The following RIPOR2 variants were observed in gnomAD, a reference collection of about 807,000 sequenced individuals.
RIPOR2 encodes the protein rho family-interacting cell polarization regulator 2.
In RIPOR2, 39 loss-of-function variants were observed where a neutral mutation model predicts 114.5. That is an observed-to-expected ratio of 0.34 (90% CI 0.26 to 0.44). RIPOR2 has a LOEUF of 0.44. RIPOR2 is among the 20% of genes least tolerant of loss of function. RIPOR2 has a pLI of 1.00. For synonymous variants in RIPOR2, 445 were observed against 484.4 expected, an observed-to-expected ratio of 0.92 and a Z score of 1.07; for missense variants, 1,007 against 1,255.1, an observed-to-expected ratio of 0.80 and a Z score of 2.99.
At chr6:24,972,095 C>T (rs570978861) in intron 1 of RIPOR2, among the ~76,000 whole-genome samples, 7 of 152,228 alleles carry the variant, frequency 4.6e-5, no homozygotes, top group East Asian at 1.9e-4. Flanking sequence ...AGAACCAAAA[C>T]GTTTCTATCC....
At chr6:24,914,539 C>T (rs1296600347) in intron 1 of RIPOR2, among the ~76,000 whole-genome samples, 1 of 152,166 alleles carries the variant, frequency 6.6e-6, no homozygotes, top group Non-Finnish European at 1.5e-5. Context: ...AAGGAGGCAG[C>T]ACTATGGGTG....
chr6:24,845,558 T>G (rs553617351), intron 12 of RIPOR2, among the ~76,000 whole-genome samples: 2 of 152,254 alleles, frequency 1.3e-5, no homozygotes, highest in South Asian at 4.1e-4. Flanking sequence ...TCCAAAGTCC[T>G]TCCCAGCCAT....
rs1341028613 is a variant in RIPOR2 at position 25,034,784 on chromosome 6, G to A, written c.76+7067C>T. Among the ~76,000 whole-genome samples the A allele has an allele frequency of 3.9e-5, 6 of 152,080 alleles. No individual in the cohort carries two copies. The East Asian group carries it at 1.2e-3, about 29-fold the overall frequency. ...CCCTCTCTTTTGTCCATCCTCGGCTGGAGACAGCTAAAATATCTGTCCAGA... is the reference window on the plus strand; with the variant it reads ...CCCTCTCTTTTGTCCATCCTCGGCTAGAGACAGCTAAAATATCTGTCCAGA... On this transcript the variant is annotated intron_variant, in intron 1 of 13. Coordinates refer to the RIPOR2 transcript ENST00000510784.
At chr6:24,825,125 G>GA in intron 19 of RIPOR2, 101 bp downstream of exon 19, 1 of 898,372 alleles carries the variant, frequency 1.1e-6, no homozygotes, top group Non-Finnish European at 1.7e-6. Flanking sequence ...TTAATACGCA[G>GA]AAAAATTATT....
chr6:25,005,183 T>G (rs555929828), intron 1 of RIPOR2, among the ~76,000 whole-genome samples: 84 of 152,306 alleles, frequency 5.5e-4, no homozygotes, highest in African/African-American at 2.0e-3. Context: ...GAGTGGCTAC[T>G]CCTGCAGTAA....
chr6:24,963,099 G>T (rs138781657), intron 1 of RIPOR2, among the ~76,000 whole-genome samples: 2 of 152,102 alleles, frequency 1.3e-5, no homozygotes, highest in Non-Finnish European at 2.9e-5. Flanking sequence ...ATACAATGGC[G>T]CAATCTTGGC....
intron 14 of RIPOR2, among the ~76,000 whole-genome samples, chr6:24,838,209 T>C (rs928379030): frequency 2.0e-5 from 3 of 152,142 alleles, no homozygotes; most frequent in African/African-American, 4.8e-5. Flanking sequence ...GTGGCAGTCA[T>C]TGGTCATCCC....
chr6:24,830,744 C>T, intron 16 of RIPOR2, 74 bp from the exon 17 acceptor site: 1 of 1,440,182 alleles, frequency 6.9e-7, no homozygotes, highest in Non-Finnish European at 9.3e-7. Flanking sequence ...GAGACAGAGT[C>T]TTGCTTTGTT....
intron 1 of RIPOR2, among the ~76,000 whole-genome samples, chr6:24,891,791 A>G (rs1157368084): frequency 6.6e-6 from 1 of 152,230 alleles, no homozygotes; most frequent in Admixed American, 6.5e-5. Flanking sequence ...GTTAGCTTCC[A>G]CAATCCTCTT....
chr6:25,019,263 T>C (rs942888500), intron 1 of RIPOR2, among the ~76,000 whole-genome samples: 1 of 152,174 alleles, frequency 6.6e-6, no homozygotes. Flanking sequence ...ATATGTGGCA[T>C]AGTTGTTAAG....
Position 24,843,220 on chromosome 6 carries a change from C to A in RIPOR2, c.1499G>T (p.Arg500Leu). Residue 500 changes from arginine (R) to leucine (L), a missense_variant, in exon 13 of 22, where the codon CGA becomes CTA. Arg to Leu is a moderately radical substitution (Grantham distance 102). Coordinates refer to ENST00000643898, the MANE Select transcript of RIPOR2 (RefSeq NM_001286445.3). ...CTCAGCCCCAGCACCTGAGGACTGT[C>A]GGCGGCAAGCCTCAGATGGGGCCGA... is the stretch of plus-strand genomic sequence containing the variant. ...PASAPSEACRRQSSGAGAEHL... is the reference protein window; with the variant it reads ...PASAPSEACRLQSSGAGAEHL... 1 of 1,614,018 alleles carries A rather than the reference C, an allele frequency of 6.2e-7. No homozygotes were observed. The highest frequency in any genetic ancestry group is 8.5e-7 in the Non-Finnish European group (1 of 1,179,896).
intron 1 of RIPOR2, among the ~76,000 whole-genome samples, chr6:24,953,982 G>A (rs1286309829): frequency 6.6e-6 from 1 of 152,198 alleles, no homozygotes; most frequent in African/African-American, 2.4e-5. Context: ...TGAACCTAGT[G>A]ATGGGAAAGA....
At chr6:25,024,338 C>T (rs1285365234) in intron 1 of RIPOR2, 1 of 1,453,988 alleles carries the variant, frequency 6.9e-7, no homozygotes, top group Non-Finnish European at 9.6e-7. Flanking sequence ...GTGCCTTCTT[C>T]CTGGCTTCCT....
Position 24,873,882 on chromosome 6 carries a change from G to T in RIPOR2, c.189-83C>A. 8 of 1,200,276 alleles carry T rather than the reference G, an allele frequency of 6.7e-6. No individual in the cohort carries two copies. The East Asian group carries it at 1.4e-4, about 21-fold the overall frequency. 74.4% of individuals were successfully genotyped at this position (1,200,276 alleles called of 1,614,324 possible). On this transcript the variant is annotated intron_variant, in intron 2 of 21. Transcript: ENST00000643898. ...GAAAAATGTCTTCTATTATTTACTT[G>T]TTTGTTTTAGAGACAAAGTCTTCTT...
rs554921888 is a variant in RIPOR2 at position 24,963,041 on chromosome 6, G to A, written c.76+78810C>T. On this transcript the variant is annotated intron_variant, in intron 1 of 13. Transcript: ENST00000510784. ...CAGCAGAGAATGCATGTGTTTTTTT[G>A]TTTTTGTTTTTTTGAGACAGAGTTT... Among the ~76,000 whole-genome samples the A allele has an allele frequency of 3.3e-5, 5 of 152,082 alleles. No individual in the cohort carries two copies. The South Asian group carries it at 1.0e-3, about 32-fold the overall frequency.
chr6:24,978,313 G>A (rs189668702), intron 1 of RIPOR2, among the ~76,000 whole-genome samples: 57 of 152,084 alleles, frequency 3.7e-4, no homozygotes, highest in Middle Eastern at 6.8e-3. Flanking sequence ...ATGTGAGAGT[G>A]CTTTCAAGTT....
chr6:24,985,678 A>AC (rs980640651), intron 1 of RIPOR2, among the ~76,000 whole-genome samples: 4 of 151,974 alleles, frequency 2.6e-5, no homozygotes, highest in East Asian at 1.9e-4. Flanking sequence ...GAATTCTGGG[A>AC]CCCCCCTAGA....
intron 1 of RIPOR2, among the ~76,000 whole-genome samples, chr6:25,032,687 G>T (rs942745573): frequency 6.6e-6 from 1 of 152,150 alleles, no homozygotes; most frequent in Non-Finnish European, 1.5e-5. Context: ...GCCTCCATAA[G>T]TAAGTACGTG....
intron 8 of RIPOR2, among the ~76,000 whole-genome samples, chr6:24,855,810 G>C (rs1048687281): frequency 6.6e-6 from 1 of 152,192 alleles, no homozygotes; most frequent in Non-Finnish European, 1.5e-5. Flanking sequence ...AAGGCAGTAG[G>C]ATCACTTGAG....
Sources: allele counts gnomAD v4.1 joint callset (sites outside exome capture counted in the v4.1 genomes callset), GRCh38; gene constraint gnomAD v4.1.1; transcripts MANE v1.5; gene names NCBI Gene and HGNC (gene_info 2026-07-23, HGNC 2026-07-21).